The following C16orf78 variants were observed in gnomAD, a reference collection of about 807,000 sequenced individuals.
C16orf78 encodes the protein uncharacterized protein C16orf78.
A neutral mutation model predicts 27.3 loss-of-function variants in C16orf78; 19 were observed. The ratio of observed to expected loss-of-function variants is 0.70; its 90% CI spans 0.49 to 1.02. The LOEUF is 1.02. Ranked by LOEUF, C16orf78 falls within the 50% of genes least tolerant of loss-of-function variation. C16orf78 has a pLI of 0.00. For synonymous variants in C16orf78, 130 were observed against 116.1 expected, an observed-to-expected ratio of 1.12 and a Z score of -0.77; for missense variants, 339 against 337.0, an observed-to-expected ratio of 1.01 and a Z score of -0.05.
chr16:49,378,513 G>A lies in C16orf78; in HGVS notation c.314G>A (p.Ser105Asn), dbSNP rs1965247989. 1 of 1,609,696 alleles carries A rather than the reference G, an allele frequency of 6.2e-7. No individual in the cohort carries two copies. Among genetic ancestry groups the A allele is most frequent in the Non-Finnish European group, 8.5e-7 (1 of 1,177,972 alleles). The part of the protein sequence containing the change: ...RFRKDAASYR[S>N]LYGVEQKGKH... ...AGGAAGGACGCCGCCTCCTACCGAA[G>A]CCTCTATGGAGTGGAGCAAAAGGGG... The change falls in exon 3 of 5, where the codon AGC becomes AAC. Residue 105 changes from serine (S) to asparagine (N), a missense_variant. By Grantham distance (46) the Ser-to-Asn change is conservative. Transcript: ENST00000299191.
At chr16:49,390,006 C>T (rs1191334300) in intron 3 of C16orf78, among the ~76,000 whole-genome samples, 1 of 152,094 alleles carries the variant, frequency 6.6e-6, no homozygotes, top group African/African-American at 2.4e-5. Context: ...ACTTTTGTTT[C>T]TGAGAGACAG....
chr16:49,381,004 G>A (rs1447157842), intron 3 of C16orf78, among the ~76,000 whole-genome samples: 2 of 149,934 alleles, frequency 1.3e-5, no homozygotes, highest in African/African-American at 4.9e-5. Flanking sequence ...CTCTGTTTTG[G>A]TACCAGTACC....
intron 3 of C16orf78, among the ~76,000 whole-genome samples, chr16:49,396,019 G>C (rs1202064288): frequency 2.0e-5 from 3 of 152,162 alleles, no homozygotes; most frequent in Admixed American, 2.0e-4. Flanking sequence ...GAGGCAGGTG[G>C]ACCATTTGAG....
intron 3 of C16orf78, among the ~76,000 whole-genome samples, chr16:49,388,202 A>G (rs1302798101): frequency 1.3e-5 from 2 of 151,986 alleles, no homozygotes; most frequent in East Asian, 1.9e-4. Flanking sequence ...GTGTGTCTCA[A>G]TCTCCTTCAG....
chr16:49,384,346 C>CA (rs771147270), intron 3 of C16orf78, among the ~76,000 whole-genome samples: 3,285 of 50,904 alleles, frequency 0.065, 191 homozygotes, highest in African/African-American at 0.17. Context: ...AAAACTCCAT[C>CA]AAAAAAAAAA....
chr16:49,378,696 C>T (rs932671667), intron 3 of C16orf78, 103 bp downstream of exon 3: 16 of 1,517,596 alleles, frequency 1.1e-5, no homozygotes, highest in South Asian at 6.0e-5. Context: ...GTAGCGTCCA[C>T]GTCAATCCAA....
intron 3 of C16orf78, among the ~76,000 whole-genome samples, chr16:49,395,366 C>A (rs1965458886): frequency 6.6e-6 from 1 of 152,164 alleles, no homozygotes; most frequent in South Asian, 2.1e-4. Context: ...TCTAGTCCAA[C>A]CTTCAGGCTG....
intron 3 of C16orf78, among the ~76,000 whole-genome samples, chr16:49,387,241 A>G (rs61109171): frequency 0.21 from 31,968 of 151,824 alleles, 3,868 homozygotes; most frequent in African/African-American, 0.33. Flanking sequence ...GGCTGCATGT[A>G]TGTATGTCTT....
At chr16:49,376,867 G>T (rs925782279) in intron 1 of C16orf78, among the ~76,000 whole-genome samples, 2 of 152,056 alleles carry the variant, frequency 1.3e-5, no homozygotes, top group African/African-American at 2.4e-5. Context: ...GATAGAGCAG[G>T]AATCCAGGCA....
At chr16:49,391,009 C>A (rs1965406560) in intron 3 of C16orf78, among the ~76,000 whole-genome samples, 1 of 152,154 alleles carries the variant, frequency 6.6e-6, no homozygotes, top group African/African-American at 2.4e-5. Flanking sequence ...ATATGACATG[C>A]CCAATTTTTT....
At chr16:49,394,041 G>C (rs764877902) in intron 3 of C16orf78, among the ~76,000 whole-genome samples, 1 of 151,984 alleles carries the variant, frequency 6.6e-6, no homozygotes, top group East Asian at 1.9e-4. Context: ...AAATTGAATA[G>C]GGCAATTTCT....
chr16:49,378,335 C>G (rs1031677596), intron 2 of C16orf78, 135 bp from the exon 3 acceptor site: 6 of 1,326,318 alleles, frequency 4.5e-6, no homozygotes, highest in South Asian at 1.5e-5. Flanking sequence ...TCCCAGGGCC[C>G]GGGGAAGCTC....
chr16:49,378,319 G>A (rs575316229), intron 2 of C16orf78, 151 bp from the exon 3 acceptor site: 308 of 1,180,882 alleles, frequency 2.6e-4, no homozygotes, highest in Non-Finnish European at 3.1e-4. Flanking sequence ...CTGCCCCTCC[G>A]ACCTCTCCCA....
At chr16:49,382,754 C>T (rs149122147) in intron 3 of C16orf78, among the ~76,000 whole-genome samples, 2 of 152,282 alleles carry the variant, frequency 1.3e-5, no homozygotes, top group Non-Finnish European at 1.5e-5. Context: ...GCTTTCCTCA[C>T]CCGAGTCCTG....
Position 49,396,493 on chromosome 16 carries a change from T to C in C16orf78, c.465T>C (p.Ile155=). The stretch of plus-strand genomic sequence containing the variant: ...CAAACCCATTCCGTCGACAAAGCAT[T>C]GTCTTAGATCCCATGTTACAGGAGG... The part of the protein sequence containing the change: ...QRPNPFRRQS[I]VLDPMLQEGT... Residue 155 remains isoleucine (I), a synonymous_variant, in exon 4 of 5, where the codon ATT becomes ATC. Coordinates refer to ENST00000299191, the MANE Select transcript of C16orf78 (RefSeq NM_144602.4). 2 of 1,614,138 alleles carry C rather than the reference T, an allele frequency of 1.2e-6. No homozygotes were observed. Among genetic ancestry groups the C allele is most frequent in the Non-Finnish European group, 1.7e-6 (2 of 1,179,996 alleles).
At chr16:49,384,638 G>A (rs1295152017) in intron 3 of C16orf78, among the ~76,000 whole-genome samples, 1 of 152,100 alleles carries the variant, frequency 6.6e-6, no homozygotes, top group Non-Finnish European at 1.5e-5. Context: ...AAGAAATAAT[G>A]GCTGCAAAGT....
chr16:49,399,298 C>T lies in C16orf78; in HGVS notation c.*20C>T, dbSNP rs776699807. ...CTCTAAATAGCTCCTCTCGCCACCACCTTCAGGCTCCTTCTGTCATGGGAC... is the reference window on the plus strand; with the variant it reads ...CTCTAAATAGCTCCTCTCGCCACCATCTTCAGGCTCCTTCTGTCATGGGAC... On this transcript the variant is annotated 3_prime_UTR_variant, in exon 5 of 5. Coordinates refer to ENST00000299191, the MANE Select transcript of C16orf78 (RefSeq NM_144602.4). 8 of 1,612,540 alleles carry T rather than the reference C, an allele frequency of 5.0e-6. No individual in the cohort carries two copies. In the South Asian group the frequency reaches 5.5e-5, roughly 11 times the overall value.
At chr16:49,395,346 G>T (rs1965458641) in intron 3 of C16orf78, among the ~76,000 whole-genome samples, 1 of 152,096 alleles carries the variant, frequency 6.6e-6, no homozygotes, top group South Asian at 2.1e-4. Context: ...AAATATTAAG[G>T]TGTCCAAGCT....
In C16orf78 at chr16:49,399,298, C is replaced by A. The variant is rs776699807; in HGVS notation, c.*20C>A. 3.0e-5 allele frequency: 48 copies of A among 1,612,422 alleles called. No individual in the cohort carries two copies. In the South Asian group the frequency reaches 5.2e-4, roughly 17 times the overall value. On this transcript the variant is annotated 3_prime_UTR_variant, in exon 5 of 5. Coordinates refer to ENST00000299191, the MANE Select transcript of C16orf78 (RefSeq NM_144602.4). ...CTCTAAATAGCTCCTCTCGCCACCA[C>A]CTTCAGGCTCCTTCTGTCATGGGAC...
Sources: gnomAD v4.1 joint callset for allele counts (sites outside exome capture counted in the v4.1 genomes callset) on GRCh38, gnomAD v4.1.1 for gene constraint, MANE v1.5 for transcripts, NCBI Gene and HGNC (gene_info 2026-07-23, HGNC 2026-07-21) for gene names.